The following DNMBP variants were observed in gnomAD, a reference collection of about 807,000 sequenced individuals.
The protein encoded by DNMBP is dynamin binding protein.
Under a neutral mutation model 150.0 loss-of-function variants are expected in DNMBP, and 87 were observed. The ratio of observed to expected loss-of-function variants is 0.58; its 90% CI spans 0.49 to 0.69. DNMBP has a LOEUF of 0.69. DNMBP is among the 30% of genes least tolerant of loss of function. The probability of loss-of-function intolerance (pLI) is 0.00; values close to 1 mark genes in which losing one functional copy is unlikely to be tolerated. For missense variants in DNMBP, 1,774 were observed against 1,949.0 expected, an observed-to-expected ratio of 0.91 and a Z score of 1.69; for synonymous variants, 711 against 750.4, an observed-to-expected ratio of 0.95 and a Z score of 0.86.
chr10:99,884,311 T>A (rs1590209717), intron 14 of DNMBP, 102 bp from the exon 15 acceptor site: 15 of 935,342 alleles, frequency 1.6e-5, no homozygotes, highest in Non-Finnish European at 2.4e-5. Context: ...GCAGGGACAG[T>A]CAGTCACTGC....
chr10:99,881,750 C>T (rs1479850659), intron 15 of DNMBP, among the ~76,000 whole-genome samples: 1 of 152,184 alleles, frequency 6.6e-6, no homozygotes, highest in Non-Finnish European at 1.5e-5. Context: ...ATCCTCTGTC[C>T]TTCGTGTCCC....
intron 4 of DNMBP, among the ~76,000 whole-genome samples, chr10:99,915,138 CACATATATAT>C (rs1270802273): frequency 5.7e-5 from 8 of 140,114 alleles, no homozygotes; most frequent in African/African-American, 2.2e-4. Context: ...TACACACACA[CACATATATAT>C]ACATATATAT....
chr10:99,900,197 C>T (rs938749209), intron 6 of DNMBP, 131 bp from the exon 7 acceptor site: 1 of 855,998 alleles, frequency 1.2e-6, no homozygotes, highest in Non-Finnish European at 1.8e-6. Context: ...TAAGACTATC[C>T]ATCAAATAGT....
intron 1 of DNMBP, among the ~76,000 whole-genome samples, chr10:99,992,653 A>G (rs2040908940): frequency 1.3e-5 from 2 of 150,298 alleles, no homozygotes; most frequent in South Asian, 2.1e-4. Flanking sequence ...TAGCCTCCCG[A>G]GTAGCTGGGA....
intron 1 of DNMBP, among the ~76,000 whole-genome samples, chr10:99,978,688 C>T (rs562806776): frequency 6.6e-6 from 1 of 152,096 alleles, no homozygotes. Context: ...AGGTGATCAT[C>T]CCACCTCAGC....
At chr10:99,923,222 C>G (rs1475750738) in intron 4 of DNMBP, among the ~76,000 whole-genome samples, 1 of 152,104 alleles carries the variant, frequency 6.6e-6, no homozygotes, top group Non-Finnish European at 1.5e-5. Context: ...AATCCCGTCT[C>G]TACTAAAAAT....
In DNMBP at chr10:99,919,777, A is replaced by G. The variant is rs186121606; in HGVS notation, c.2261-10631T>C. Among the ~76,000 whole-genome samples, 4 of 152,210 alleles carry G rather than the reference A, an allele frequency of 2.6e-5. No homozygotes were observed. In the East Asian group the frequency reaches 5.8e-4, roughly 22 times the overall value. On this transcript the variant is annotated intron_variant, in intron 4 of 16. Transcript: ENST00000324109. The stretch of plus-strand genomic sequence containing the variant: ...ACTACAGCTTGGGCGACAGAGGAAG[A>G]CTCCATCTGGGAGCTGGGGCAAGGA...
At chr10:99,878,700 G>C (rs2039312952) in intron 16 of DNMBP, among the ~76,000 whole-genome samples, 1 of 152,166 alleles carries the variant, frequency 6.6e-6, no homozygotes, top group African/African-American at 2.4e-5. Flanking sequence ...AATCCTTCTG[G>C]AGATGAGCTC....
chr10:99,878,562 C>T (rs1244475273), intron 16 of DNMBP, among the ~76,000 whole-genome samples: 1 of 152,168 alleles, frequency 6.6e-6, no homozygotes, highest in Non-Finnish European at 1.5e-5. Context: ...TCGGCTATGG[C>T]ACTGAGGAAT....
chr10:99,915,094 CAA>C (rs1290992306), intron 4 of DNMBP, among the ~76,000 whole-genome samples: 34 of 81,558 alleles, frequency 4.2e-4, no homozygotes, highest in African/African-American at 1.7e-3. Context: ...AACTCTGTCT[CAA>C]AAAAAAAAAA....
intron 1 of DNMBP, among the ~76,000 whole-genome samples, chr10:100,004,614 C>A (rs535440577): frequency 9.2e-5 from 14 of 152,208 alleles, no homozygotes; most frequent in African/African-American, 2.9e-4. Context: ...AAAAATAGGG[C>A]TGGATTCCTA....
chr10:99,898,350 C>T (rs748112726), intron 8 of DNMBP, 65 bp from the exon 9 acceptor site: 6 of 1,394,312 alleles, frequency 4.3e-6, no homozygotes, highest in East Asian at 4.6e-5. Context: ...CTGGGAACAT[C>T]GTGAGACCCC....
intron 3 of DNMBP, among the ~76,000 whole-genome samples, chr10:99,968,048 G>A (rs1303838924): frequency 6.6e-6 from 1 of 152,072 alleles, no homozygotes; most frequent in East Asian, 1.9e-4. Context: ...GTCTCGCTCT[G>A]TCACCCAGGC....
chr10:99,932,242 G>T (rs921854748), intron 4 of DNMBP, among the ~76,000 whole-genome samples: 1 of 152,118 alleles, frequency 6.6e-6, no homozygotes, highest in Non-Finnish European at 1.5e-5. Flanking sequence ...TGCCTTATAT[G>T]CTTTGTTAAT....
intron 15 of DNMBP, among the ~76,000 whole-genome samples, chr10:99,882,329 T>C (rs2039381087): frequency 6.6e-6 from 1 of 152,238 alleles, no homozygotes; most frequent in South Asian, 2.1e-4. Flanking sequence ...TGATAATGTA[T>C]ATTTCAAGAT....
At chr10:99,913,995 A>C in intron 4 of DNMBP, 2 of 1,501,236 alleles carry the variant, frequency 1.3e-6, no homozygotes, top group Non-Finnish European at 1.8e-6. Flanking sequence ...TGTGGGCCTG[A>C]GGGTAAGCAG....
intron 11 of DNMBP, among the ~76,000 whole-genome samples, chr10:99,892,374 G>A (rs1483859734): frequency 7.6e-6 from 1 of 131,958 alleles, no homozygotes; most frequent in African/African-American, 3.0e-5. Context: ...TGTGTAGAAA[G>A]AAGTAGACAT....
chr10:99,967,641 G>T (rs536902195), intron 3 of DNMBP, among the ~76,000 whole-genome samples: 24 of 151,994 alleles, frequency 1.6e-4, no homozygotes, highest in African/African-American at 5.3e-4. Context: ...ATCACTAAGG[G>T]TTAGAGAAGT....
At chr10:99,898,910 C>G in intron 7 of DNMBP, 150 bp from the exon 8 acceptor site, 5 of 804,234 alleles carry the variant, frequency 6.2e-6, no homozygotes, top group Non-Finnish European at 9.8e-6. Flanking sequence ...ATGTTAGCCC[C>G]GGCCAGGCAT....
Sources: gnomAD v4.1 joint callset for allele counts (sites outside exome capture counted in the v4.1 genomes callset) on GRCh38, gnomAD v4.1.1 for gene constraint, MANE v1.5 for transcripts, NCBI Gene and HGNC (gene_info 2026-07-23, HGNC 2026-07-21) for gene names.